Variants in CMTM8 observed in about 807,000 individuals in gnomAD.
CMTM8 encodes CKLF-like MARVEL transmembrane domain-containing protein 8.
A neutral mutation model predicts 18.6 loss-of-function variants in CMTM8; 12 were observed. The ratio of observed to expected loss-of-function variants is 0.65; its 90% CI spans 0.41 to 1.05. CMTM8 has a LOEUF of 1.05. Among genes scored for constraint, CMTM8 ranks in the 50% least tolerant of loss-of-function variants. The pLI is 0.00. For missense variants in CMTM8, 217 were observed against 227.2 expected (o/e 0.95, Z 0.29); for synonymous variants, 87 against 90.6 (o/e 0.96, Z 0.23).
At chr3:32,308,511 A>T (rs570590389) in intron 1 of CMTM8, among the ~76,000 whole-genome samples, 1 of 152,152 alleles carries the variant, frequency 6.6e-6, no homozygotes, top group Non-Finnish European at 1.5e-5. Context: ...AGTGCACTAG[A>T]GTTGGAAAGG....
intron 1 of CMTM8, among the ~76,000 whole-genome samples, chr3:32,352,405 A>C (rs1696728107): frequency 6.6e-6 from 1 of 152,232 alleles, no homozygotes; most frequent in South Asian, 2.1e-4. Flanking sequence ...GCATCACCTG[A>C]GAACTTGTTA....
intron 1 of CMTM8, among the ~76,000 whole-genome samples, chr3:32,300,888 A>G (rs1695600711): frequency 6.6e-6 from 1 of 151,376 alleles, no homozygotes; most frequent in Non-Finnish European, 1.5e-5. Flanking sequence ...TGAACCTGGG[A>G]GGCGGAGGTT....
intron 1 of CMTM8, among the ~76,000 whole-genome samples, chr3:32,299,080 G>A (rs1220857511): frequency 6.6e-6 from 1 of 151,122 alleles, no homozygotes; most frequent in African/African-American, 2.4e-5. Context: ...GAAACACTGT[G>A]CCCCGCTCAG....
intron 1 of CMTM8, among the ~76,000 whole-genome samples, chr3:32,263,042 C>T (rs1167996753): frequency 6.6e-6 from 1 of 151,528 alleles, no homozygotes; most frequent in Non-Finnish European, 1.5e-5. Context: ...CTACAGCTCC[C>T]AGTGTGAACG....
intron 1 of CMTM8, among the ~76,000 whole-genome samples, chr3:32,335,102 C>G (rs1696360825): frequency 6.6e-6 from 1 of 152,124 alleles, no homozygotes; most frequent in South Asian, 2.1e-4. Flanking sequence ...CATACTCTGC[C>G]CAAGTAGGGA....
At chr3:32,280,846 CAAAAAAA>C (rs60845487) in intron 1 of CMTM8, among the ~76,000 whole-genome samples, 13,297 of 68,676 alleles carry the variant, frequency 0.19, 736 homozygotes, top group Admixed American at 0.24. Context: ...AGAAAATAGG[CAAAAAAA>C]AAAAAAAAAA....
At chr3:32,295,276 T>C (rs553718202) in intron 1 of CMTM8, among the ~76,000 whole-genome samples, 75 of 151,708 alleles carry the variant, frequency 4.9e-4, no homozygotes, top group African/African-American at 1.6e-3. Flanking sequence ...AGCAATGTGG[T>C]GAAACCCCAT....
At chr3:32,340,133 TGA>T (rs1401453385) in intron 1 of CMTM8, among the ~76,000 whole-genome samples, 1 of 152,210 alleles carries the variant, frequency 6.6e-6, no homozygotes, top group African/African-American at 2.4e-5. Context: ...TACTAATGGG[TGA>T]GAGTCCAGTT....
At chr3:32,273,417 G>A (rs1448993076) in intron 1 of CMTM8, among the ~76,000 whole-genome samples, 1 of 152,070 alleles carries the variant, frequency 6.6e-6, no homozygotes. Flanking sequence ...ATTCATAATA[G>A]GCAAAAGGTA....
intron 1 of CMTM8, among the ~76,000 whole-genome samples, chr3:32,308,926 C>T (rs1166513301): frequency 6.6e-6 from 1 of 152,168 alleles, no homozygotes; most frequent in East Asian, 1.9e-4. Flanking sequence ...GCTGGAAAGT[C>T]ATCGTGGCAG....
intron 1 of CMTM8, chr3:32,259,827 C>A: frequency 1.2e-6 from 1 of 817,510 alleles, no homozygotes; most frequent in East Asian, 2.4e-5. Flanking sequence ...ATGCCACTCA[C>A]GGAGCTGAGA....
intron 1 of CMTM8, among the ~76,000 whole-genome samples, chr3:32,277,468 G>T (rs1434601060): frequency 6.6e-6 from 1 of 151,506 alleles, no homozygotes; most frequent in African/African-American, 2.4e-5. Context: ...AAACTCCTGG[G>T]CTCAGGTGAT....
At chr3:32,292,191 G>C (rs1214761686) in intron 1 of CMTM8, among the ~76,000 whole-genome samples, 1 of 152,184 alleles carries the variant, frequency 6.6e-6, no homozygotes, top group Non-Finnish European at 1.5e-5. Context: ...TGGTAGAAAT[G>C]TCTGCCTCCC....
At chr3:32,321,601 A>G (rs1696055583) in intron 1 of CMTM8, among the ~76,000 whole-genome samples, 1 of 151,710 alleles carries the variant, frequency 6.6e-6, no homozygotes, top group African/African-American at 2.4e-5. Context: ...CTGTTTTTAG[A>G]TTTTCTTTTT....
At chr3:32,330,612 T>C (rs1270333499) in intron 1 of CMTM8, among the ~76,000 whole-genome samples, 1 of 152,168 alleles carries the variant, frequency 6.6e-6, no homozygotes, top group African/African-American at 2.4e-5. Context: ...TATACGCTCA[T>C]ATATGTAGTC....
At chr3:32,314,272 G>A (rs1480412989) in intron 1 of CMTM8, among the ~76,000 whole-genome samples, 1 of 152,184 alleles carries the variant, frequency 6.6e-6, no homozygotes, top group Admixed American at 6.5e-5. Flanking sequence ...TGAGAGCAAT[G>A]TTGGGTGTAT....
At chr3:32,338,854 C>G (rs1696439012) in intron 1 of CMTM8, among the ~76,000 whole-genome samples, 1 of 152,178 alleles carries the variant, frequency 6.6e-6, no homozygotes, top group South Asian at 2.1e-4. Flanking sequence ...TCCTAAGGTT[C>G]CATCAGATGT....
intron 1 of CMTM8, among the ~76,000 whole-genome samples, chr3:32,324,793 A>T (rs1696122449): frequency 6.6e-6 from 1 of 152,248 alleles, no homozygotes; most frequent in South Asian, 2.1e-4. Context: ...TTTTACACAT[A>T]TGTGGGAGCC....
chr3:32,364,843 A>G lies in CMTM8; in HGVS notation c.322-3029A>G, dbSNP rs3892674. Among the ~76,000 whole-genome samples, 349 of 152,298 alleles carry G rather than the reference A, an allele frequency of 2.3e-3. 10 individuals are homozygous for G. In the South Asian group the frequency reaches 0.047, roughly 20 times the overall value. ...TTTCTTCTGTAGTAATAGAAGTTTC[A>G]GTTGAGCCTTGGCCCCTCTGCCACT... On this transcript the variant is annotated intron_variant, in intron 2 of 3. Transcript: ENST00000307526.
Sources: gnomAD v4.1 joint callset for allele counts (sites outside exome capture counted in the v4.1 genomes callset) on GRCh38, gnomAD v4.1.1 for gene constraint, MANE v1.5 for transcripts, NCBI Gene and HGNC (gene_info 2026-07-23, HGNC 2026-07-21) for gene names.